The following ATP8A2 variants were observed in gnomAD, a reference collection of about 807,000 sequenced individuals.
ATP8A2 encodes the protein phospholipid-transporting ATPase IB.
ATP8A2 carries 100 observed loss-of-function variants against 165.6 expected under a neutral mutation model. The ratio of observed to expected loss-of-function variants is 0.60; its 90% CI spans 0.51 to 0.71. The LOEUF is 0.71. ATP8A2 is among the 30% of genes least tolerant of loss of function. The pLI is 0.00. For synonymous variants in ATP8A2, 543 were observed against 548.8 expected (o/e 0.99, Z 0.15); for missense variants, 1,227 against 1,479.5 (o/e 0.83, Z 2.80).
intron 25 of ATP8A2, among the ~76,000 whole-genome samples, chr13:25,708,047 T>C (rs1566066340): frequency 6.6e-6 from 1 of 152,212 alleles, no homozygotes; most frequent in East Asian, 1.9e-4. Context: ...TTTCTTTTTT[T>C]CCTTTCCCCT....
In ATP8A2 at chr13:25,551,358, C is replaced by T. The variant is rs1230927331; in HGVS notation, c.912C>T (p.Leu304=). Residue 304 remains leucine, a synonymous_variant, in exon 11 of 37, where the codon CTC becomes CTT. Transcript: ENST00000381655. ...KLMQNSTKAP[L]KRSNVEKVTN... ...TGTAGAATTCAACCAAAGCGCCTCT[C>T]AAGAGATCAAATGTTGAGAAGGTGA... The T allele has an allele frequency of 1.2e-6, 2 of 1,614,006 alleles. No homozygotes were observed. The highest frequency in any genetic ancestry group is 2.7e-5 in the African/African-American group (2 of 75,050).
intron 33 of ATP8A2, among the ~76,000 whole-genome samples, chr13:25,952,799 C>T (rs1196507408): frequency 1.3e-5 from 2 of 152,186 alleles, no homozygotes; most frequent in South Asian, 2.1e-4. Flanking sequence ...TAGAGGGGAG[C>T]ACAGCTCTTT....
At chr13:25,663,095 A>T (rs922195418) in intron 24 of ATP8A2, among the ~76,000 whole-genome samples, 3 of 152,306 alleles carry the variant, frequency 2.0e-5, no homozygotes, top group Admixed American at 2.0e-4. Context: ...TGCTTGGCAG[A>T]TTTGAGGACA....
intron 1 of ATP8A2, among the ~76,000 whole-genome samples, chr13:25,414,000 G>T (rs4770829): frequency 0.64 from 96,751 of 151,598 alleles, 31,260 homozygotes; most frequent in African/African-American, 0.74. Context: ...GGTCAGTATC[G>T]GCCATGTGGG....
chr13:25,789,691 G>A (rs891721301), intron 27 of ATP8A2, among the ~76,000 whole-genome samples: 5 of 152,170 alleles, frequency 3.3e-5, no homozygotes, highest in African/African-American at 1.2e-4. Context: ...CCTGTCAAAC[G>A]ACAAGTGACA....
rs1336411660 is a variant in ATP8A2, at chr13:25,540,299, C to CT, written c.582-13dup. On this transcript the variant is annotated intron_variant, in intron 7 of 36. Transcript: ENST00000381655. Reference sequence around the variant, plus strand: ...GGAAAGGACCTTATGAAACTTGGCTCTTTTTTTCTCTCTCCTTAGTGAACC... The same window carrying CT: ...GGAAAGGACCTTATGAAACTTGGCTCTTTTTTTTCTCTCTCCTTAGTGAACC... 6 of 1,604,488 alleles carry CT rather than the reference C, an allele frequency of 3.7e-6. No homozygotes were observed. The highest frequency in any genetic ancestry group is 5.1e-6 in the Non-Finnish European group (6 of 1,171,560).
chr13:25,621,753 C>A (rs551518980), intron 24 of ATP8A2, among the ~76,000 whole-genome samples: 1 of 152,244 alleles, frequency 6.6e-6, no homozygotes, highest in African/African-American at 2.4e-5. Context: ...GTAGAGGAAA[C>A]AAATTTGCAC....
At chr13:25,520,215 C>CT (rs2037618314) in intron 2 of ATP8A2, among the ~76,000 whole-genome samples, 1 of 152,216 alleles carries the variant, frequency 6.6e-6, no homozygotes. Context: ...AGTCTGCCCT[C>CT]TGTCTTCATG....
At chr13:25,751,712 G>A (rs959314715) in intron 25 of ATP8A2, among the ~76,000 whole-genome samples, 2 of 152,170 alleles carry the variant, frequency 1.3e-5, no homozygotes, top group Admixed American at 6.5e-5. Flanking sequence ...GCCTCCCAAA[G>A]TGCTGGGATT....
chr13:25,917,742 T>G (rs1400812144), intron 33 of ATP8A2, among the ~76,000 whole-genome samples: 4 of 152,228 alleles, frequency 2.6e-5, no homozygotes, highest in African/African-American at 9.6e-5. Context: ...AAAATTCTAT[T>G]TTGGTGAAGT....
rs1022944540 is a variant in ATP8A2 at position 25,627,223 on chromosome 13, C to T, written c.2211+37524C>T. ...GCCAAGGTGGTACAGTGGCAGAATA[C>T]ATAGGAGGTGGTGTGGCAGAGCCTC... On this transcript the variant is annotated intron_variant, in intron 24 of 36. Coordinates refer to ENST00000381655, the MANE Select transcript of ATP8A2 (RefSeq NM_016529.6). Among the ~76,000 whole-genome samples the T allele has an allele frequency of 2.6e-5, 4 of 152,158 alleles. No individual in the cohort carries two copies. In the East Asian group the frequency reaches 5.8e-4, roughly 22 times the overall value.
intron 30 of ATP8A2, among the ~76,000 whole-genome samples, chr13:25,839,870 C>G (rs1025401636): frequency 6.6e-6 from 1 of 152,182 alleles, no homozygotes; most frequent in Non-Finnish European, 1.5e-5. Context: ...TAGGAATACT[C>G]AACTCAGTTT....
At chr13:25,851,695 A>G (rs562814573) in intron 30 of ATP8A2, among the ~76,000 whole-genome samples, 10 of 152,188 alleles carry the variant, frequency 6.6e-5, no homozygotes, top group Admixed American at 3.3e-4. Context: ...TCTGGTACAT[A>G]GTCTTAAGGG....
chr13:25,960,202 G>A (rs187866084), intron 33 of ATP8A2, among the ~76,000 whole-genome samples: 3 of 152,198 alleles, frequency 2.0e-5, no homozygotes, highest in African/African-American at 4.8e-5. Flanking sequence ...GCTGGGCAGG[G>A]AAGCCCTGCA....
At chr13:25,460,326 G>T (rs2035472184) in intron 1 of ATP8A2, among the ~76,000 whole-genome samples, 1 of 152,222 alleles carries the variant, frequency 6.6e-6, no homozygotes, top group African/African-American at 2.4e-5. Context: ...TATCGAATCA[G>T]CAATGAGATT....
chr13:26,012,690 TG>T, intron 36 of ATP8A2, 68 bp downstream of exon 36: 1 of 350,440 alleles, frequency 2.9e-6, no homozygotes, highest in East Asian at 2.1e-4. Flanking sequence ...GATGAGGAGT[TG>T]GGGGAGCGGG....
intron 11 of ATP8A2, among the ~76,000 whole-genome samples, chr13:25,553,422 G>C (rs1219751065): frequency 2.6e-5 from 4 of 152,168 alleles, no homozygotes; most frequent in Non-Finnish European, 5.9e-5. Flanking sequence ...TAGTGAGCTT[G>C]TAGGTGTTCC....
chr13:25,438,207 G>A (rs1769372306), intron 1 of ATP8A2, among the ~76,000 whole-genome samples: 2 of 152,284 alleles, frequency 1.3e-5, no homozygotes, highest in Non-Finnish European at 2.9e-5. Flanking sequence ...TCCAGTGAAT[G>A]TCAGAGAGGA....
intron 25 of ATP8A2, among the ~76,000 whole-genome samples, chr13:25,743,688 A>G (rs1229458860): frequency 6.6e-6 from 1 of 152,220 alleles, no homozygotes; most frequent in East Asian, 1.9e-4. Flanking sequence ...ATGTGTCCTG[A>G]GATGTCCAGC....
Sources: allele counts gnomAD v4.1 joint callset (sites outside exome capture counted in the v4.1 genomes callset), GRCh38; gene constraint gnomAD v4.1.1; transcripts MANE v1.5; gene names NCBI Gene and HGNC (gene_info 2026-07-23, HGNC 2026-07-21).